Variants in ANKRD40 observed in about 807,000 individuals in gnomAD.
The protein encoded by ANKRD40 is ankyrin repeat domain 40.
ANKRD40 carries 24 observed loss-of-function variants against 35.5 expected under a neutral mutation model. The observed-to-expected ratio is 0.68, with a 90% CI of 0.49 to 0.95. The LOEUF (loss-of-function observed/expected upper bound fraction) is 0.95, where lower values mean the gene tolerates loss of function less well. Among genes scored for constraint, ANKRD40 ranks in the 40% least tolerant of loss-of-function variants. The pLI, the probability that ANKRD40 is intolerant of heterozygous loss-of-function variation, is 0.00. For synonymous variants in ANKRD40, 147 were observed against 173.5 expected, an observed-to-expected ratio of 0.85 and a Z score of 1.20; for missense variants, 361 against 436.0, an observed-to-expected ratio of 0.83 and a Z score of 1.53.
rs1340124879 is a variant in ANKRD40, at chr17:50,695,796, T to C, written c.*201A>G. 9.3e-6 allele frequency: 5 copies of C among 538,948 alleles called. No individual in the cohort carries two copies. The highest frequency in any genetic ancestry group is 9.6e-6 in the Non-Finnish European group (3 of 313,064). 33.4% of individuals were successfully genotyped at this position (538,948 alleles called of 1,614,324 possible). ...TCAAAGCTTCAAGCAATAGGTTTAC[T>C]GTGCACCAAGAGGCTTGGAAGAGTG... On this transcript the variant is annotated 3_prime_UTR_variant, in exon 5 of 5. Transcript: ENST00000285243.
chr17:50,698,002 A>G (rs886421262), intron 3 of ANKRD40, among the ~76,000 whole-genome samples: 4 of 152,242 alleles, frequency 2.6e-5, no homozygotes, highest in South Asian at 2.1e-4. Flanking sequence ...AGAAATATTG[A>G]TATCTTTCCT....
rs2146662351 is a variant in ANKRD40 at position 50,707,775 on chromosome 17, C to A, written c.-121G>T. The stretch of plus-strand genomic sequence containing the variant: ...ATGGGGAGGGAGCGCGGAACTCGCC[C>A]GCCCTGCTCGCGCCGCTGCCCGCGC... On this transcript the variant is annotated 5_prime_UTR_variant, in exon 1 of 5. Coordinates refer to ENST00000285243, the MANE Select transcript of ANKRD40 (RefSeq NM_052855.4). The surrounding 1 kb of genome is among the most constrained non-coding windows in gnomAD (Gnocchi z 4.8). The A allele has an allele frequency of 3.1e-6, 2 of 645,798 alleles. No individual in the cohort carries two copies. Among genetic ancestry groups the A allele is most frequent in the South Asian group, 1.3e-4 (2 of 14,952 alleles). The allele number at this position is 645,798 out of a possible 1,614,324, so 40.0% of individuals were successfully genotyped here. A position where few individuals can be genotyped will look rare whatever the true frequency, so the allele number is the denominator to read the frequency against.
intron 1 of ANKRD40, among the ~76,000 whole-genome samples, chr17:50,704,758 G>A (rs1388402360): frequency 6.6e-6 from 1 of 152,124 alleles, no homozygotes; most frequent in Non-Finnish European, 1.5e-5. Context: ...TGTAAATGGA[G>A]AGAACAGTAA....
intron 1 of ANKRD40, among the ~76,000 whole-genome samples, chr17:50,703,275 G>C (rs143280460): frequency 1.3e-5 from 2 of 152,100 alleles, no homozygotes; most frequent in African/African-American, 4.8e-5. Flanking sequence ...TTGTTCTAAA[G>C]GCATTACATG....
chr17:50,698,819 A>G (rs951360168), intron 3 of ANKRD40, among the ~76,000 whole-genome samples: 5 of 152,070 alleles, frequency 3.3e-5, no homozygotes, highest in South Asian at 2.1e-4. Flanking sequence ...CATTTCTCAA[A>G]TTTGGTCATT....
chr17:50,706,367 A>G (rs1199370048), intron 1 of ANKRD40, among the ~76,000 whole-genome samples: 4 of 151,914 alleles, frequency 2.6e-5, no homozygotes, highest in Non-Finnish European at 4.4e-5. Flanking sequence ...TGATCCGCCC[A>G]CCTCAGCCTC....
chr17:50,697,231 C>A (rs1000927836), intron 3 of ANKRD40, 110 bp from the exon 4 acceptor site: 63 of 1,046,192 alleles, frequency 6.0e-5, no homozygotes, highest in African/African-American at 4.2e-4. Flanking sequence ...AAGGTCTGTG[C>A]ATGATTAACA....
intron 1 of ANKRD40, among the ~76,000 whole-genome samples, chr17:50,704,446 G>A (rs1249123619): frequency 6.6e-6 from 1 of 150,412 alleles, no homozygotes; most frequent in Admixed American, 6.7e-5. Context: ...AACCCAGGAG[G>A]TGGAGGATGC....
chr17:50,695,657 A>G lies in ANKRD40; in HGVS notation c.*340T>C, dbSNP rs1968191307. The G allele has an allele frequency of 5.5e-6, 1 of 181,248 alleles. No homozygotes were observed. The highest frequency in any genetic ancestry group is 1.1e-5 in the Non-Finnish European group (1 of 87,024). 11.2% of individuals were successfully genotyped at this position (181,248 alleles called of 1,614,324 possible). Reference sequence around the variant, plus strand: ...GCACTGTCAACAGGAGTGGCTAGAAATAGGCTCCGCTCTCTCTCAGCTGCT... The same window carrying G: ...GCACTGTCAACAGGAGTGGCTAGAAGTAGGCTCCGCTCTCTCTCAGCTGCT... On this transcript the variant is annotated 3_prime_UTR_variant, in exon 5 of 5. Coordinates refer to ENST00000285243, the MANE Select transcript of ANKRD40 (RefSeq NM_052855.4).
At chr17:50,699,915 C>T (rs1456913007) in intron 2 of ANKRD40, 22 bp from the exon 3 acceptor site, 19 of 1,478,608 alleles carry the variant, frequency 1.3e-5, no homozygotes, top group Non-Finnish European at 1.7e-5. Flanking sequence ...GAAAACAGAA[C>T]ATTTACACAG....
Position 50,699,484 on chromosome 17 carries a change from CAG to C in ANKRD40, c.691_692del (p.Leu231GlyfsTer26), listed in dbSNP as rs766398185. ...SSVPSKPPMS[L>X]EPQNGTYAGP... Reference sequence around the variant, plus strand: ...CTGCATACGTCCCATTTTGAGGCTCCAGAGACATTGGTGGCTTGGACGGGACA... The same window carrying C: ...CTGCATACGTCCCATTTTGAGGCTCCAGACATTGGTGGCTTGGACGGGACA... On this transcript the variant is annotated frameshift_variant, in exon 3 of 5. Coordinates refer to ENST00000285243, the MANE Select transcript of ANKRD40 (RefSeq NM_052855.4). LOFTEE classifies it high-confidence loss of function. 1 of 1,614,204 alleles carries C rather than the reference CAG, an allele frequency of 6.2e-7. No homozygotes were observed. Among genetic ancestry groups the C allele is most frequent in the South Asian group, 1.1e-5 (1 of 91,084 alleles).
intron 1 of ANKRD40, among the ~76,000 whole-genome samples, chr17:50,703,529 T>C (rs1968293920): frequency 6.6e-6 from 1 of 152,104 alleles, no homozygotes; most frequent in Non-Finnish European, 1.5e-5. Flanking sequence ...GAAGGTGACA[T>C]CTAAACTAAA....
At chr17:50,706,883 G>A (rs1454848653) in intron 1 of ANKRD40, among the ~76,000 whole-genome samples, 3 of 109,718 alleles carry the variant, frequency 2.7e-5, no homozygotes, top group African/African-American at 7.1e-5. Flanking sequence ...CACCCTGGGC[G>A]ACAGGGCAAG....
chr17:50,696,102 T>C lies in ANKRD40; in HGVS notation c.1002A>G (p.Glu334=). The part of the protein sequence containing the change: ...VARLQDFQEL[E]LVLMISENNF... The stretch of plus-strand genomic sequence containing the variant: ...TATTTTCACTTATCATCAGAACCAG[T>C]TCCAGCTCCTGGAAATCTTGGAGTC... Residue 334 remains glutamate, a synonymous_variant, in exon 5 of 5, where the codon GAA becomes GAG. Transcript: ENST00000285243. The C allele has an allele frequency of 6.2e-7, 1 of 1,614,202 alleles. No homozygotes were observed. Among genetic ancestry groups the C allele is most frequent in the Non-Finnish European group, 8.5e-7 (1 of 1,180,024 alleles).
intron 1 of ANKRD40, among the ~76,000 whole-genome samples, chr17:50,704,559 G>A (rs1203098232): frequency 6.6e-6 from 1 of 150,786 alleles, no homozygotes; most frequent in African/African-American, 2.4e-5. Context: ...GCCTCTTCAG[G>A]CTACCTCAGA....
At chr17:50,704,906 A>G (rs1968313074) in intron 1 of ANKRD40, among the ~76,000 whole-genome samples, 1 of 152,150 alleles carries the variant, frequency 6.6e-6, no homozygotes, top group Non-Finnish European at 1.5e-5. Flanking sequence ...CAAGGTCAGG[A>G]GATCGAGACC....
chr17:50,705,336 G>T (rs1373277030), intron 1 of ANKRD40, among the ~76,000 whole-genome samples: 1 of 151,492 alleles, frequency 6.6e-6, no homozygotes, highest in Non-Finnish European at 1.5e-5. Flanking sequence ...CCGCCTCCCA[G>T]TGCCAAAATG....
At chr17:50,705,120 CA>C (rs56389674) in intron 1 of ANKRD40, among the ~76,000 whole-genome samples, 79,515 of 108,616 alleles carry the variant, frequency 0.73, 27,386 homozygotes, top group South Asian at 0.82. Context: ...GACTCTGTCT[CA>C]AAAAAAAAAA....
Position 50,695,469 on chromosome 17 carries a change from A to G in ANKRD40, c.*528T>C, listed in dbSNP as rs1008869899. ...TGTTATAGGAAACCTCACAGTCACA[A>G]GTCACACTAGAATCCATCTGTCCAG... On this transcript the variant is annotated 3_prime_UTR_variant, in exon 5 of 5. Transcript: ENST00000285243. The G allele has an allele frequency of 6.5e-6, 1 of 152,800 alleles. No individual in the cohort carries two copies. The highest frequency in any genetic ancestry group is 2.4e-5 in the African/African-American group (1 of 41,464). The allele number at this position is 152,800 out of a possible 1,614,324, so 9.5% of individuals were successfully genotyped here. A position where few individuals can be genotyped will look rare whatever the true frequency, so the allele number is the denominator to read the frequency against.
Sources: gnomAD v4.1 joint callset for allele counts (sites outside exome capture counted in the v4.1 genomes callset) on GRCh38, gnomAD v4.1.1 for gene constraint, Gnocchi (gnomAD v3.1) non-coding constraint, MANE v1.5 for transcripts, NCBI Gene and HGNC (gene_info 2026-07-23, HGNC 2026-07-21) for gene names.